PAK1IP1: variants seen among roughly 807,000 people sequenced by gnomAD.
PAK1IP1 encodes p21-activated protein kinase-interacting protein 1.
PAK1IP1 carries 24 observed loss-of-function variants against 42.0 expected under a neutral mutation model. That is an observed-to-expected ratio of 0.57 (90% CI 0.41 to 0.80). PAK1IP1 has a LOEUF of 0.80. Among genes scored for constraint, PAK1IP1 ranks in the 30% least tolerant of loss-of-function variants. PAK1IP1 has a pLI of 0.00. For synonymous variants in PAK1IP1, 154 were observed against 156.7 expected, an observed-to-expected ratio of 0.98 and a Z score of 0.13; for missense variants, 411 against 467.9, an observed-to-expected ratio of 0.88 and a Z score of 1.12.
intron 2 of PAK1IP1, among the ~76,000 whole-genome samples, chr6:10,701,428 A>G (rs772058646): frequency 1.3e-5 from 2 of 151,994 alleles, no homozygotes; most frequent in Non-Finnish European, 2.9e-5. Context: ...ATGGCTTCCA[A>G]CTCCATCCAC....
At chr6:10,699,340 G>A (rs1268885224) in intron 2 of PAK1IP1, among the ~76,000 whole-genome samples, 1 of 152,120 alleles carries the variant, frequency 6.6e-6, no homozygotes, top group Non-Finnish European at 1.5e-5. Flanking sequence ...CTTGTGGTCA[G>A]CAAATAGCTT....
In PAK1IP1 at chr6:10,702,585, C is replaced by A; in HGVS notation, c.389C>A (p.Ser130Tyr). 1.2e-6 allele frequency: 2 copies of A among 1,613,896 alleles called. No homozygotes were observed. Among genetic ancestry groups the A allele is most frequent in the Non-Finnish European group, 1.7e-6 (2 of 1,179,952 alleles). ...TATAGAGGACAGGTGACCTTCCTTTCTATTCACCCATCTGGCAAGTTGGCC... is the reference window on the plus strand; with the variant it reads ...TATAGAGGACAGGTGACCTTCCTTTATATTCACCCATCTGGCAAGTTGGCC... ...KAHKGQVTFL[S>Y]IHPSGKLALS... The change falls in exon 4 of 10, where the codon TCT becomes TAT. Residue 130 changes from serine (S) to tyrosine (Y), a missense_variant. Transcript: ENST00000379568.
chr6:10,698,994 A>G (rs966558314), intron 2 of PAK1IP1, among the ~76,000 whole-genome samples: 66 of 152,128 alleles, frequency 4.3e-4, no homozygotes, highest in African/African-American at 1.4e-3. Flanking sequence ...AGGTCAGGAG[A>G]TTGAGACCAT....
upstream of PAK1IP1, chr6:10,694,594 C>CGATT: frequency 5.6e-6 from 1 of 179,514 alleles, no homozygotes; most frequent in Non-Finnish European, 1.2e-5. Flanking sequence ...GCGCTACAGC[C>CGATT]CCTAAGCAAC....
chr6:10,708,786 C>G (rs1055144061), intron 8 of PAK1IP1, among the ~76,000 whole-genome samples, 167 bp from the exon 9 acceptor site: 1 of 151,872 alleles, frequency 6.6e-6, no homozygotes, highest in South Asian at 2.1e-4. Flanking sequence ...GCAAAATTGG[C>G]TCTGTGAATA....
chr6:10,702,244 A>G, intron 2 of PAK1IP1, 125 bp from the exon 3 acceptor site: 1 of 773,384 alleles, frequency 1.3e-6, no homozygotes, highest in Non-Finnish European at 2.0e-6. Flanking sequence ...CTGCCTCAAA[A>G]AAAAAAAAAA....
intron 6 of PAK1IP1, 23 bp from the exon 7 acceptor site, chr6:10,704,724 T>C (rs1190044757): frequency 1.9e-6 from 3 of 1,600,528 alleles, no homozygotes; most frequent in African/African-American, 1.3e-5. Context: ...CTGGATGTTA[T>C]TACTCTTTTT....
upstream of PAK1IP1, among the ~76,000 whole-genome samples, chr6:10,693,102 G>C (rs144299042): frequency 6.6e-6 from 1 of 152,084 alleles, no homozygotes; most frequent in Non-Finnish European, 1.5e-5. Flanking sequence ...ATGTAACTGC[G>C]GGACATGCTC....
chr6:10,693,903 C>T (rs1769589850), upstream of PAK1IP1, among the ~76,000 whole-genome samples: 1 of 152,056 alleles, frequency 6.6e-6, no homozygotes, highest in African/African-American at 2.4e-5. Flanking sequence ...TAATTTATAA[C>T]ATTTTTGTAG....
chr6:10,704,654 TA>T lies in PAK1IP1; in HGVS notation c.642+4del. 1 of 1,612,420 alleles carries T rather than the reference TA, an allele frequency of 6.2e-7. No homozygotes were observed. Among genetic ancestry groups the T allele is most frequent in the South Asian group, 1.1e-5 (1 of 90,872 alleles). On this transcript the variant is annotated splice_donor_region_variant and intron_variant, in intron 6 of 9. Coordinates refer to ENST00000379568, the MANE Select transcript of PAK1IP1 (RefSeq NM_017906.3). ...ATTTCCTCTGTTAAATTTCTTTCAG[TA>T]AGTAATCAGAAATCATTGACCAAAG... is the stretch of plus-strand genomic sequence containing the variant.
chr6:10,693,287 C>T (rs757163837), upstream of PAK1IP1, among the ~76,000 whole-genome samples: 7 of 152,214 alleles, frequency 4.6e-5, no homozygotes, highest in Middle Eastern at 3.2e-3. Context: ...CACCATCGTT[C>T]CATCTGCAAT....
chr6:10,703,780 C>T (rs2127480692), intron 5 of PAK1IP1, among the ~76,000 whole-genome samples: 2 of 152,260 alleles, frequency 1.3e-5, no homozygotes, highest in South Asian at 2.1e-4. Context: ...GTTCTGGTCC[C>T]AAGCATTTTG....
rs548819857 is a variant in PAK1IP1, at chr6:10,697,791, G to A, written c.247+305G>A. ...CTGTAGTCACAGCTACTCGGGAGGC[G>A]GAGGCAGGGGAATCGTTTGAACCCG... is the stretch of plus-strand genomic sequence containing the variant. On this transcript the variant is annotated intron_variant, in intron 2 of 9. Coordinates refer to ENST00000379568, the MANE Select transcript of PAK1IP1 (RefSeq NM_017906.3). Among the ~76,000 whole-genome samples, 8 of 151,836 alleles carry A rather than the reference G, an allele frequency of 5.3e-5. No individual in the cohort carries two copies. In the East Asian group the frequency reaches 7.8e-4, roughly 15 times the overall value.
chr6:10,694,687 C>T (rs549142659), upstream of PAK1IP1: 134 of 317,096 alleles, frequency 4.2e-4, no homozygotes, highest in Non-Finnish European at 7.4e-4. Flanking sequence ...TCCCTTCAGA[C>T]GGGCGTAGCT....
At chr6:10,700,716 G>A (rs1770001526) in intron 2 of PAK1IP1, among the ~76,000 whole-genome samples, 1 of 152,236 alleles carries the variant, frequency 6.6e-6, no homozygotes, top group Non-Finnish European at 1.5e-5. Context: ...TCAACAATAA[G>A]AAAAGGAATT....
chr6:10,704,412 A>G, intron 5 of PAK1IP1, 95 bp from the exon 6 acceptor site: 1 of 703,470 alleles, frequency 1.4e-6, no homozygotes, highest in Non-Finnish European at 2.3e-6. Context: ...AATGAATTTG[A>G]AAATGCACAG....
chr6:10,699,233 A>G (rs1313050336), intron 2 of PAK1IP1, among the ~76,000 whole-genome samples: 1 of 151,844 alleles, frequency 6.6e-6, no homozygotes, highest in Non-Finnish European at 1.5e-5. Context: ...GAGGAAAAGA[A>G]AAGAAAATGT....
chr6:10,694,235 G>C (rs549011937), upstream of PAK1IP1, among the ~76,000 whole-genome samples: 36 of 141,898 alleles, frequency 2.5e-4, 2 homozygotes, highest in South Asian at 7.8e-3. Context: ...ACTCCAGCCT[G>C]GGCAAAAAGA....
At chr6:10,707,661 G>C (rs116316806) in intron 8 of PAK1IP1, 147 bp downstream of exon 8, 13,807 of 547,296 alleles carry the variant, frequency 0.025, 255 homozygotes, top group Middle Eastern at 0.045. Context: ...TTTAAAATTA[G>C]GGTTCCCAGG....
Sources: gnomAD v4.1 joint callset for allele counts (sites outside exome capture counted in the v4.1 genomes callset) on GRCh38, gnomAD v4.1.1 for gene constraint, MANE v1.5 for transcripts, NCBI Gene and HGNC (gene_info 2026-07-23, HGNC 2026-07-21) for gene names.